The following PACRG variants were observed in gnomAD, a reference collection of about 807,000 sequenced individuals.
The protein encoded by PACRG is parkin coregulated.
PACRG carries 29 observed loss-of-function variants against 29.7 expected under a neutral mutation model. That is an observed-to-expected ratio of 0.98 (90% CI 0.73 to 1.33). The LOEUF (loss-of-function observed/expected upper bound fraction) is 1.33. PACRG is among the 40% of genes most tolerant of loss of function. PACRG has a pLI of 0.00. For synonymous variants in PACRG, 116 were observed against 118.7 expected (o/e 0.98, Z 0.15); for missense variants, 279 against 316.2 (o/e 0.88, Z 0.89).
intron 1 of PACRG, among the ~76,000 whole-genome samples, chr6:162,795,037 C>T (rs954669503): frequency 9.3e-5 from 14 of 150,102 alleles, no homozygotes; most frequent in African/African-American, 1.5e-4. Flanking sequence ...TGTGGTAGGT[C>T]GCATTAAGAA....
chr6:162,997,804 A>T (rs187700197), intron 2 of PACRG, among the ~76,000 whole-genome samples: 1 of 152,206 alleles, frequency 6.6e-6, no homozygotes, highest in African/African-American at 2.4e-5. Context: ...ACTTGACACT[A>T]TATGTCTTCT....
At chr6:163,032,217 G>A (rs373633291) in intron 2 of PACRG, among the ~76,000 whole-genome samples, 30 of 152,102 alleles carry the variant, frequency 2.0e-4, no homozygotes, top group African/African-American at 5.6e-4. Context: ...GCAAAACAAA[G>A]GATCAGCAGC....
chr6:163,269,787 A>T (rs1562349152), intron 4 of PACRG, among the ~76,000 whole-genome samples: 2 of 108,252 alleles, frequency 1.8e-5, no homozygotes, highest in African/African-American at 7.5e-5. Flanking sequence ...ACAGACAGAA[A>T]GAAAGAAAGG....
At chr6:163,196,229 G>C (rs1353169096) in intron 4 of PACRG, among the ~76,000 whole-genome samples, 1 of 152,252 alleles carries the variant, frequency 6.6e-6, no homozygotes, top group African/African-American at 2.4e-5. Flanking sequence ...TCTAATCAAT[G>C]AGAGCTACTA....
At chr6:163,210,008 C>T (rs1585335132) in intron 4 of PACRG, among the ~76,000 whole-genome samples, 2 of 152,288 alleles carry the variant, frequency 1.3e-5, no homozygotes, top group East Asian at 1.9e-4. Context: ...TGTTGGGGGA[C>T]CTCAGTTCTC....
At chr6:162,992,183 A>T (rs903516590) in intron 2 of PACRG, among the ~76,000 whole-genome samples, 2 of 130,804 alleles carry the variant, frequency 1.5e-5, no homozygotes, top group East Asian at 2.2e-4. Flanking sequence ...TTCATCAAGG[A>T]TATTGGTCTA....
chr6:163,257,673 G>C (rs993788825), intron 4 of PACRG, among the ~76,000 whole-genome samples: 3 of 152,234 alleles, frequency 2.0e-5, no homozygotes, highest in Middle Eastern at 3.4e-3. Context: ...CAGGAATACT[G>C]TATATATGTA....
At chr6:163,146,534 C>G (rs1187899085) in intron 4 of PACRG, among the ~76,000 whole-genome samples, 1 of 152,156 alleles carries the variant, frequency 6.6e-6, no homozygotes, top group Non-Finnish European at 1.5e-5. Context: ...CTACTTTTTT[C>G]TAGAAAATCC....
chr6:162,729,739 T>A (rs2128246387), intron 1 of PACRG, among the ~76,000 whole-genome samples: 1 of 152,248 alleles, frequency 6.6e-6, no homozygotes, highest in East Asian at 1.9e-4. Flanking sequence ...GGGGTTCTTT[T>A]CTGTTTTTTC....
At chr6:162,956,432 G>T (rs927675926) in intron 2 of PACRG, among the ~76,000 whole-genome samples, 18 of 152,148 alleles carry the variant, frequency 1.2e-4, no homozygotes, top group African/African-American at 3.9e-4. Context: ...ATAAATGTTG[G>T]TCAGGTCAAT....
chr6:163,078,608 TATC>T (rs1037208553), intron 3 of PACRG, among the ~76,000 whole-genome samples: 2 of 152,126 alleles, frequency 1.3e-5, no homozygotes, highest in Admixed American at 6.5e-5. Flanking sequence ...TTGTCATCAT[TATC>T]ATCGTCATCA....
At chr6:163,251,436 A>G (rs1782902240) in intron 4 of PACRG, among the ~76,000 whole-genome samples, 1 of 152,198 alleles carries the variant, frequency 6.6e-6, no homozygotes. Flanking sequence ...TGCAATGATT[A>G]TGTATTTTAG....
intron 1 of PACRG, among the ~76,000 whole-genome samples, chr6:162,759,238 A>G (rs1471457088): frequency 6.6e-6 from 1 of 152,226 alleles, no homozygotes; most frequent in Non-Finnish European, 1.5e-5. Context: ...TACAAGGAGT[A>G]AGAATGCTTT....
chr6:163,196,772 GAGACAGAC>G (rs976396965), intron 4 of PACRG, among the ~76,000 whole-genome samples: 1 of 152,018 alleles, frequency 6.6e-6, no homozygotes, highest in Non-Finnish European at 1.5e-5. Context: ...AAAGACTAGA[GAGACAGAC>G]AGACAGACAG....
At chr6:162,994,458 T>C (rs1197850590) in intron 2 of PACRG, among the ~76,000 whole-genome samples, 2 of 150,100 alleles carry the variant, frequency 1.3e-5, no homozygotes, top group Admixed American at 6.6e-5. Context: ...TTCTTTTTTC[T>C]CTAACCTTCC....
intron 2 of PACRG, among the ~76,000 whole-genome samples, chr6:163,049,458 T>C (rs1809756465): frequency 6.6e-6 from 1 of 152,056 alleles, no homozygotes; most frequent in Non-Finnish European, 1.5e-5. Context: ...ATGGGGGAAA[T>C]ATTCCCAATG....
chr6:162,949,719 A>G (rs1197535780), intron 2 of PACRG, among the ~76,000 whole-genome samples: 1 of 152,178 alleles, frequency 6.6e-6, no homozygotes, highest in Non-Finnish European at 1.5e-5. Flanking sequence ...GAGGGCAGAA[A>G]CTAAGTCAGA....
At position 162,968,739 on chromosome 6, in the gene PACRG, A is replaced by G. The variant is rs371588410; in HGVS notation, c.292-93411A>G. Among the ~76,000 whole-genome samples the G allele has an allele frequency of 1.1e-4, 17 of 152,298 alleles. No individual in the cohort carries two copies. The East Asian group carries it at 3.1e-3, about 28-fold the overall frequency. On this transcript the variant is annotated intron_variant, in intron 2 of 4. Coordinates refer to ENST00000366888, the MANE Select transcript of PACRG (RefSeq NM_001080379.2). ...AAAGTGAGAGTCTGAAGTCATGCAT[A>G]AAGCAAAATCTTCACAGTAAATTGA...
rs570753270 is a variant in PACRG at position 162,853,641 on chromosome 6, C to T, written c.291+39360C>T. Among the ~76,000 whole-genome samples the T allele has an allele frequency of 5.9e-5, 9 of 152,254 alleles. No homozygotes were observed. Among genetic ancestry groups the T allele is most frequent in the Non-Finnish European group, 8.8e-5 (6 of 68,020 alleles). ...TGATAAGAACTTATGATCACAAAGGCGGAAACAACACACACTGAACTTAGC... is the reference window on the plus strand; with the variant it reads ...TGATAAGAACTTATGATCACAAAGGTGGAAACAACACACACTGAACTTAGC... On this transcript the variant is annotated intron_variant, in intron 2 of 4. Transcript: ENST00000366888. The surrounding 1 kb of genome is among the most constrained non-coding windows in gnomAD (Gnocchi z 4.7).
Sources: allele counts gnomAD v4.1 joint callset (sites outside exome capture counted in the v4.1 genomes callset), GRCh38; gene constraint gnomAD v4.1.1; non-coding constraint Gnocchi (gnomAD v3.1); transcripts MANE v1.5; gene names NCBI Gene and HGNC (gene_info 2026-07-23, HGNC 2026-07-21).